BANK1: variants seen among roughly 807,000 people sequenced by gnomAD.
BANK1 encodes B cell scaffold protein with ankyrin repeats 1.
A neutral mutation model predicts 94.5 loss-of-function variants in BANK1; 95 were observed. That is an observed-to-expected ratio of 1.00 (90% confidence interval 0.85 to 1.19). The LOEUF (loss-of-function observed/expected upper bound fraction) is 1.19. BANK1 is among the 50% of genes most tolerant of loss of function. The pLI, the probability that BANK1 is intolerant of heterozygous loss-of-function variation, is 0.00. For synonymous variants in BANK1, 334 were observed against 308.4 expected (o/e 1.08, Z -0.87); for missense variants, 987 against 932.2 (o/e 1.06, Z -0.77).
chr4:101,828,789 T>C (rs1263862827), intron 1 of BANK1, among the ~76,000 whole-genome samples: 2 of 152,182 alleles, frequency 1.3e-5, no homozygotes, highest in African/African-American at 4.8e-5. Flanking sequence ...GTGGTGACTT[T>C]GTTTTCTTTC....
At chr4:102,018,274 C>T (rs540875641) in intron 7 of BANK1, among the ~76,000 whole-genome samples, 2 of 152,274 alleles carry the variant, frequency 1.3e-5, no homozygotes, top group South Asian at 4.1e-4. Flanking sequence ...ACAAGGTCAA[C>T]TTGTCACTCT....
At chr4:101,904,590 AT>A (rs1722385381) in intron 6 of BANK1, among the ~76,000 whole-genome samples, 3 of 151,940 alleles carry the variant, frequency 2.0e-5, no homozygotes, top group Admixed American at 2.0e-4. Context: ...AACCTTGCAA[AT>A]TTTTTTCTAG....
At chr4:101,907,105 G>A (rs1158626595) in intron 6 of BANK1, among the ~76,000 whole-genome samples, 1 of 152,214 alleles carries the variant, frequency 6.6e-6, no homozygotes, top group South Asian at 2.1e-4. Flanking sequence ...AAAGGAATAG[G>A]TTGGGCTAGT....
At chr4:101,918,959 A>T (rs1161772872) in intron 7 of BANK1, among the ~76,000 whole-genome samples, 1 of 151,906 alleles carries the variant, frequency 6.6e-6, no homozygotes. Flanking sequence ...TTAATAAACT[A>T]CTAATTTTTT....
chr4:101,907,388 A>G (rs1236063701), intron 6 of BANK1, among the ~76,000 whole-genome samples: 1 of 152,244 alleles, frequency 6.6e-6, no homozygotes, highest in Non-Finnish European at 1.5e-5. Context: ...TAAATTAGGT[A>G]TTAATGGAAC....
At chr4:101,898,355 G>T (rs1722162619) in intron 6 of BANK1, among the ~76,000 whole-genome samples, 1 of 152,026 alleles carries the variant, frequency 6.6e-6, no homozygotes, top group Non-Finnish European at 1.5e-5. Context: ...GAATTGGAAA[G>T]AGAAATGGTG....
chr4:101,911,535 C>A (rs571926452), intron 6 of BANK1, among the ~76,000 whole-genome samples: 1 of 138,944 alleles, frequency 7.2e-6, no homozygotes, highest in East Asian at 2.0e-4. Context: ...AGATTAATTC[C>A]CAGTCCCTAG....
intron 2 of BANK1, among the ~76,000 whole-genome samples, chr4:101,832,296 G>A: frequency 6.6e-6 from 1 of 152,122 alleles, no homozygotes; most frequent in Non-Finnish European, 1.5e-5. Flanking sequence ...TTTTCCCAGG[G>A]ACATGCTTTC....
intron 10 of BANK1, 125 bp downstream of exon 10, chr4:102,030,390 G>A: frequency 1.0e-6 from 1 of 962,230 alleles, no homozygotes; most frequent in East Asian, 2.7e-5. Flanking sequence ...TTTTTTTCAA[G>A]TCACAGCTAA....
rs772264087 is a variant in BANK1 at position 101,855,228 on chromosome 4, T to C, written c.624+39T>C. 8.2e-6 allele frequency: 13 copies of C among 1,577,550 alleles called. No homozygotes were observed. The South Asian group carries it at 1.3e-4, about 16-fold the overall frequency. On this transcript the variant is annotated intron_variant, in intron 3 of 16. Transcript: ENST00000322953. ...CCTTGTTATTTAAGTGACCCCATTG[T>C]GTTATGGTGGTGGTGGTGGTTGTTG...
intron 11 of BANK1, among the ~76,000 whole-genome samples, chr4:102,049,544 T>C (rs1202239391): frequency 1.3e-5 from 2 of 152,078 alleles, no homozygotes; most frequent in Non-Finnish European, 2.9e-5. Flanking sequence ...AAATGAACCT[T>C]ATCAAGGGTG....
At chr4:101,921,016 A>T (rs898706745) in intron 7 of BANK1, among the ~76,000 whole-genome samples, 1 of 151,812 alleles carries the variant, frequency 6.6e-6, no homozygotes, top group African/African-American at 2.4e-5. Context: ...GCCTGAAATC[A>T]CATTTCTTAC....
chr4:101,925,532 C>A (rs1200444416), intron 7 of BANK1, among the ~76,000 whole-genome samples: 1 of 151,682 alleles, frequency 6.6e-6, no homozygotes, highest in Non-Finnish European at 1.5e-5. Context: ...GCTTACAGTT[C>A]TTTTCCAATA....
At chr4:102,033,113 G>A (rs1347274016) in intron 10 of BANK1, among the ~76,000 whole-genome samples, 1 of 152,134 alleles carries the variant, frequency 6.6e-6, no homozygotes, top group Non-Finnish European at 1.5e-5. Flanking sequence ...TTCCCAGCAT[G>A]CTGAGATTAG....
intron 1 of BANK1, among the ~76,000 whole-genome samples, chr4:101,828,671 A>T (rs997918410): frequency 6.6e-6 from 1 of 152,070 alleles, no homozygotes; most frequent in Non-Finnish European, 1.5e-5. Context: ...GCAATATTTT[A>T]TAGTATGAAT....
intron 7 of BANK1, among the ~76,000 whole-genome samples, chr4:102,000,210 C>T (rs1165639410): frequency 6.6e-6 from 1 of 150,870 alleles, no homozygotes; most frequent in African/African-American, 2.4e-5. Flanking sequence ...GTATTCCCAG[C>T]TACTCAGGAG....
At chr4:101,939,431 G>T (rs1477934458) in intron 7 of BANK1, among the ~76,000 whole-genome samples, 1 of 151,668 alleles carries the variant, frequency 6.6e-6, no homozygotes, top group Non-Finnish European at 1.5e-5. Context: ...ACAAAGGTTG[G>T]CAGGATGTGA....
At chr4:102,001,813 G>A (rs151280693) in intron 7 of BANK1, among the ~76,000 whole-genome samples, 1 of 152,214 alleles carries the variant, frequency 6.6e-6, no homozygotes, top group East Asian at 1.9e-4. Context: ...AAAAAAATTG[G>A]GCAGCATTCA....
chr4:101,992,836 A>G (rs1018952848), intron 7 of BANK1, among the ~76,000 whole-genome samples: 2 of 152,144 alleles, frequency 1.3e-5, no homozygotes, highest in Non-Finnish European at 2.9e-5. Context: ...TTCCTCAAAT[A>G]CTCGGAGATC....
Sources: allele counts gnomAD v4.1 joint callset (sites outside exome capture counted in the v4.1 genomes callset), GRCh38; gene constraint gnomAD v4.1.1; transcripts MANE v1.5; gene names NCBI Gene and HGNC (gene_info 2026-07-23, HGNC 2026-07-21).